DEAF1: variants seen among roughly 807,000 people sequenced by gnomAD.
DEAF1 encodes the protein deformed epidermal autoregulatory factor 1 homolog.
Under a neutral mutation model 58.9 loss-of-function variants are expected in DEAF1, and 53 were observed. That is an observed-to-expected ratio of 0.90 (90% CI 0.72 to 1.13). DEAF1 has a LOEUF of 1.13. Ranked by LOEUF, DEAF1 falls within the 50% of genes most tolerant of loss-of-function variation. The probability of loss-of-function intolerance (pLI) is 0.00; values close to 1 mark genes in which losing one functional copy is unlikely to be tolerated. For synonymous variants in DEAF1, 385 were observed against 340.4 expected, an observed-to-expected ratio of 1.13 and a Z score of -1.44; for missense variants, 685 against 791.4, an observed-to-expected ratio of 0.87 and a Z score of 1.61.
chr11:701,377 T>G (rs116925166), intron 1 of DEAF1, among the ~76,000 whole-genome samples: 34,208 of 132,406 alleles, frequency 0.26, 4,905 homozygotes, highest in Non-Finnish European at 0.32. Flanking sequence ...TTTGTTTTGT[T>G]TTTTTTTGGT....
intron 5 of DEAF1, among the ~76,000 whole-genome samples, chr11:686,306 A>AAAC (rs1554944153): frequency 1.5e-4 from 23 of 151,002 alleles, no homozygotes; most frequent in Middle Eastern, 3.4e-3. Flanking sequence ...AAAAAAAAAA[A>AAAC]AAACCACAAA....
intron 6 of DEAF1, among the ~76,000 whole-genome samples, chr11:683,914 C>T (rs1860477834): frequency 6.6e-6 from 1 of 152,146 alleles, no homozygotes; most frequent in Admixed American, 6.6e-5. Context: ...GGCTCAACTG[C>T]CAATGGGACC....
At chr11:686,798 G>A (rs7121608) in intron 5 of DEAF1, 60 bp downstream of exon 5, 214,596 of 1,608,612 alleles carry the variant, frequency 0.13, 16,537 homozygotes, top group African/African-American at 0.33. Flanking sequence ...TGGCTGGGCC[G>A]CCTCAGAGGG....
chr11:687,897 G>A lies in DEAF1; in HGVS notation c.664+14C>T. On this transcript the variant is annotated intron_variant, in intron 4 of 11. Coordinates refer to ENST00000382409, the MANE Select transcript of DEAF1 (RefSeq NM_021008.4). ...GGGGAATACAACTTTGGAGTCTGAAGTGGCAGTCCTCACCTGAGCCGAGCC... is the reference window on the plus strand; with the variant it reads ...GGGGAATACAACTTTGGAGTCTGAAATGGCAGTCCTCACCTGAGCCGAGCC... 6.2e-7 allele frequency: 1 copy of A among 1,614,032 alleles called. No individual in the cohort carries two copies. The highest frequency in any genetic ancestry group is 2.2e-5 in the East Asian group (1 of 44,874).
Position 694,803 on chromosome 11 carries a change from G to A in DEAF1, c.245C>T (p.Ala82Val). Residue 82 changes from alanine to valine, a missense_variant, in exon 1 of 12, where the codon GCC becomes GTC. This residue lies in a region of DEAF1 where 210 missense variants were observed against 177.3 expected (regional missense o/e 1.18). Transcript: ENST00000382409. ...GGCGGCCTCGTCGGGGCCGGGCAGGGCCTCGGCGCCCATGTCCATGTGCCC... is the reference window on the plus strand; with the variant it reads ...GGCGGCCTCGTCGGGGCCGGGCAGGACCTCGGCGCCCATGTCCATGTGCCC... ...EPGHMDMGAE[A>V]LPGPDEAAAA... 9 of 1,406,736 alleles carry A rather than the reference G, an allele frequency of 6.4e-6. No individual in the cohort carries two copies. Among genetic ancestry groups the A allele is most frequent in the Non-Finnish European group, 8.3e-6 (9 of 1,081,306 alleles). 87.1% of individuals were successfully genotyped at this position (1,406,736 alleles called of 1,614,324 possible).
Position 671,837 on chromosome 11 carries a change from AAAAAAAAAAAAAG to A in DEAF1, c.1503+2686_1503+2698del, listed in dbSNP as rs1444606808. On this transcript the variant is annotated intron_variant, in intron 10 of 11. Coordinates refer to ENST00000382409, the MANE Select transcript of DEAF1 (RefSeq NM_021008.4). ...GAGACCTTACCTCTTAAAAAAAAAA[AAAAAAAAAAAAAG>A]AAACACAAAAAACACTAATCACATA... 4.9e-4 allele frequency among the ~76,000 whole-genome samples: 63 copies of A among 128,098 alleles called. 2 individuals are homozygous for A. The highest frequency in any genetic ancestry group is 1.9e-3 in the African/African-American group (63 of 33,980). The allele number at this position is 128,098 out of a possible 152,430, so 84.0% of individuals were successfully genotyped here.
At chr11:700,954 G>T in intron 1 of DEAF1, 1 of 552,122 alleles carries the variant, frequency 1.8e-6, no homozygotes, top group Non-Finnish European at 3.2e-6. Context: ...ATGTCTTGTA[G>T]AAGCCACTGG....
intron 4 of DEAF1, among the ~76,000 whole-genome samples, chr11:687,660 A>G (rs999015471): frequency 6.6e-5 from 10 of 152,024 alleles, no homozygotes; most frequent in African/African-American, 1.7e-4. Context: ...ACCACGCTCC[A>G]CTAATTTTTT....
At position 650,452 on chromosome 11, in the gene DEAF1, C is replaced by T. The variant is rs541220388; in HGVS notation, c.1593+3510G>A. Among the ~76,000 whole-genome samples the T allele has an allele frequency of 6.7e-5, 10 of 148,660 alleles. No individual in the cohort carries two copies. The South Asian group carries it at 1.9e-3, about 29-fold the overall frequency. ...CCTAAGATCCAACCACATTCTGTCT[C>T]TAAGGGAATGCTTAAGAGCCAAGGA... On this transcript the variant is annotated intron_variant, in intron 11 of 11. Coordinates refer to ENST00000382409, the MANE Select transcript of DEAF1 (RefSeq NM_021008.4).
chr11:686,736 G>T, intron 5 of DEAF1, 122 bp downstream of exon 5: 1 of 1,329,000 alleles, frequency 7.5e-7, no homozygotes, highest in Non-Finnish European at 1.1e-6. Context: ...ACAGACAGCA[G>T]GTGGAGGCTG....
Position 644,349 on chromosome 11 carries a change from G to A in DEAF1, c.*201C>T, listed in dbSNP as rs1347838574. 3.3e-5 allele frequency: 21 copies of A among 628,156 alleles called. No homozygotes were observed. The highest frequency in any genetic ancestry group is 4.3e-5 in the Non-Finnish European group (15 of 348,812). The allele number at this position is 628,156 out of a possible 1,614,324, so 38.9% of individuals were successfully genotyped here. On this transcript the variant is annotated 3_prime_UTR_variant, in exon 12 of 12. Coordinates refer to ENST00000382409, the MANE Select transcript of DEAF1 (RefSeq NM_021008.4). The surrounding 1 kb of genome is among the most constrained non-coding windows in gnomAD (Gnocchi z 4.3). ...AGGGATAAAAAATCTGTCCGCGAGC[G>A]GGCAGGGGGCCCGGGCAGGGGGAGT...
intron 6 of DEAF1, among the ~76,000 whole-genome samples, chr11:682,745 G>A (rs1232244914): frequency 1.3e-5 from 2 of 152,204 alleles, no homozygotes; most frequent in East Asian, 1.9e-4. Flanking sequence ...TTGGGGCTCC[G>A]TATGCTTGGC....
Position 674,551 on chromosome 11 carries a change from G to A in DEAF1, c.1488C>T (p.Asp496=), listed in dbSNP as rs34559852. The part of the protein sequence containing the change: ...AATNQAKIHA[D]AERKEQSCVN... Reference sequence around the variant, plus strand: ...CCAAGGTTACCTCCTTCCGCTCTGCGTCAGCGTGGATCTTGGCCTGGTTTG... The same window carrying A: ...CCAAGGTTACCTCCTTCCGCTCTGCATCAGCGTGGATCTTGGCCTGGTTTG... Residue 496 remains aspartate, a synonymous_variant, in exon 10 of 12, where the codon GAC becomes GAT. Transcript: ENST00000382409. 2.5e-3 allele frequency: 4,100 copies of A among 1,614,036 alleles called. 91 individuals are homozygous for A. The African/African-American group carries it at 0.048, about 19-fold the overall frequency.
At chr11:670,226 T>C (rs552731588) in intron 10 of DEAF1, among the ~76,000 whole-genome samples, 41 of 152,070 alleles carry the variant, frequency 2.7e-4, no homozygotes, top group African/African-American at 9.6e-4. Context: ...ATGGTGGAGA[T>C]TGAGGCACTT....
rs1860501224 is a variant in DEAF1 at position 684,459 on chromosome 11, A to G, written c.870+439T>C. ...AGAAAAATTATTTTGGGTCTTTGTG[A>G]AGCAGTTAAGAATTTAGAATAAGGA... On this transcript the variant is annotated intron_variant, in intron 6 of 11. Transcript: ENST00000382409. Among the ~76,000 whole-genome samples the G allele has an allele frequency of 2.0e-5, 3 of 152,250 alleles. No homozygotes were observed. The South Asian group carries it at 6.2e-4, about 32-fold the overall frequency.
chr11:678,216 T>C (rs2133376114), intron 9 of DEAF1: 1 of 193,948 alleles, frequency 5.2e-6, no homozygotes, highest in East Asian at 1.4e-4. Flanking sequence ...CTCAAAAAAA[T>C]AGAAGTGCAG....
chr11:695,540 T>C (rs1861088595), upstream of DEAF1: 1 of 1,176,386 alleles, frequency 8.5e-7, no homozygotes, highest in Non-Finnish European at 1.1e-6. Flanking sequence ...TTTCGCCCGT[T>C]CCCGCCGCCG....
chr11:648,158 C>T (rs1858585680), intron 11 of DEAF1, among the ~76,000 whole-genome samples: 1 of 151,688 alleles, frequency 6.6e-6, no homozygotes, highest in Non-Finnish European at 1.5e-5. Flanking sequence ...TGTGTACATA[C>T]CAAGTCCTCT....
chr11:696,635 G>A (rs1178649945), upstream of DEAF1, among the ~76,000 whole-genome samples: 4 of 33,356 alleles, frequency 1.2e-4, no homozygotes, highest in African/African-American at 3.7e-4. Flanking sequence ...AGGCGGTGGC[G>A]CACCCCTGTG....
Sources: gnomAD v4.1 joint callset for allele counts (sites outside exome capture counted in the v4.1 genomes callset) on GRCh38, gnomAD v4.1.1 for gene constraint, gnomAD v4.1.1 regional missense constraint, Gnocchi (gnomAD v3.1) non-coding constraint, MANE v1.5 for transcripts, NCBI Gene and HGNC (gene_info 2026-07-23, HGNC 2026-07-21) for gene names.